The following SEZ6 variants were observed in gnomAD, a reference collection of about 807,000 sequenced individuals.
SEZ6 encodes the protein seizure related 6 homolog.
A neutral mutation model predicts 101.0 loss-of-function variants in SEZ6; 53 were observed. That is an observed-to-expected ratio of 0.52 (90% CI 0.42 to 0.66). The LOEUF is 0.66. Ranked by LOEUF, SEZ6 falls within the 30% of genes least tolerant of loss-of-function variation. The pLI, the probability that SEZ6 is intolerant of heterozygous loss-of-function variation, is 0.00. For missense variants in SEZ6, 1,102 were observed against 1,289.4 expected (o/e 0.85, Z 2.23); for synonymous variants, 488 against 512.2 (o/e 0.95, Z 0.64).
chr17:28,982,091 A>T (rs557766822), intron 1 of SEZ6, 52 bp from the exon 2 acceptor site: 1 of 1,511,726 alleles, frequency 6.6e-7, no homozygotes, highest in South Asian at 1.3e-5. Context: ...AGAGAGCAGC[A>T]TCACGCCCAA....
At chr17:28,977,715 GGCA>G (rs1436693971) in intron 3 of SEZ6, among the ~76,000 whole-genome samples, 2 of 152,036 alleles carry the variant, frequency 1.3e-5, no homozygotes, top group African/African-American at 2.4e-5. Context: ...GCTTGGGGGG[GGCA>G]GACAGAGCCT....
intron 3 of SEZ6, 90 bp from the exon 4 acceptor site, chr17:28,970,042 G>T: frequency 3.2e-6 from 4 of 1,243,254 alleles, no homozygotes; most frequent in Non-Finnish European, 4.3e-6. Flanking sequence ...GCAGGCCCCG[G>T]GCAGATCAAT....
chr17:28,981,246 C>A, intron 2 of SEZ6, 125 bp downstream of exon 2: 1 of 1,434,502 alleles, frequency 7.0e-7, no homozygotes. Flanking sequence ...CTACATGCCT[C>A]CTGCAGGCTG....
intron 1 of SEZ6, among the ~76,000 whole-genome samples, chr17:28,991,746 A>G (rs1484885901): frequency 1.1e-4 from 17 of 152,132 alleles, no homozygotes; most frequent in Admixed American, 1.1e-3. Context: ...AGTTTTTCAG[A>G]AAGGCCTCGG....
chr17:28,999,130 G>A (rs902655723), intron 1 of SEZ6, among the ~76,000 whole-genome samples: 1 of 152,152 alleles, frequency 6.6e-6, no homozygotes, highest in Non-Finnish European at 1.5e-5. Flanking sequence ...GGATGGACAG[G>A]CTAAGTTCTA....
At chr17:28,996,339 G>A (rs957509164) in intron 1 of SEZ6, among the ~76,000 whole-genome samples, 2 of 152,110 alleles carry the variant, frequency 1.3e-5, no homozygotes, top group African/African-American at 4.8e-5. Context: ...CCCAGGGTGT[G>A]GGCCCTGAGC....
chr17:28,981,157 A>G (rs1325008702), intron 2 of SEZ6, among the ~76,000 whole-genome samples: 1 of 152,132 alleles, frequency 6.6e-6, no homozygotes, highest in African/African-American at 2.4e-5. Flanking sequence ...CTGCCTCCCA[A>G]AGTGCTGGGA....
rs184780793 is a variant in SEZ6, at chr17:28,981,340, T to C, written c.724+31A>G. 3 of 1,521,718 alleles carry C rather than the reference T, an allele frequency of 2.0e-6. No individual in the cohort carries two copies. The African/African-American group carries it at 4.1e-5, about 21-fold the overall frequency. 94.3% of individuals were successfully genotyped at this position (1,521,718 alleles called of 1,614,324 possible). On this transcript the variant is annotated intron_variant, in intron 2 of 16. Coordinates refer to ENST00000317338, the MANE Select transcript of SEZ6 (RefSeq NM_178860.5). Reference sequence around the variant, plus strand: ...GCCCCGCAGCCTCCCCCATCCCCATTTCCACATCTGCAAGCCAGCAGGTAG... The same window carrying C: ...GCCCCGCAGCCTCCCCCATCCCCATCTCCACATCTGCAAGCCAGCAGGTAG...
chr17:28,996,362 C>T (rs1336695435), intron 1 of SEZ6, among the ~76,000 whole-genome samples: 1 of 152,136 alleles, frequency 6.6e-6, no homozygotes. Context: ...GTGGGCTATC[C>T]CAGGCACCTT....
rs1326394566 is a variant in SEZ6, at chr17:28,957,889, A to G, written c.2302+58T>C. On this transcript the variant is annotated intron_variant, in intron 11 of 16. Transcript: ENST00000317338. ...ACAGCTACAGTCTGGTTCAGAATCC[A>G]GGAGAGAGGTTTGGAGTTTGTGTTG... is the stretch of plus-strand genomic sequence containing the variant. 3 of 1,562,694 alleles carry G rather than the reference A, an allele frequency of 1.9e-6. No individual in the cohort carries two copies. The East Asian group carries it at 6.9e-5, about 36-fold the overall frequency.
chr17:29,005,786 T>A lies in SEZ6; in HGVS notation c.55+29A>T. 1 of 1,478,062 alleles carries A rather than the reference T, an allele frequency of 6.8e-7. No homozygotes were observed. The highest frequency in any genetic ancestry group is 9.0e-7 in the Non-Finnish European group (1 of 1,114,204). The allele number at this position is 1,478,062 out of a possible 1,614,324, so 91.6% of individuals were successfully genotyped here. A position where few individuals can be genotyped will look rare whatever the true frequency, so the allele number is the denominator to read the frequency against. ...CCCTGGGGCCCCGCTCCCGCCCCCG[T>A]CCTGCCGCCGGATGCCGGGGTCCCT... is the stretch of plus-strand genomic sequence containing the variant. On this transcript the variant is annotated intron_variant, in intron 1 of 16. Transcript: ENST00000317338. This position sits in a 1 kb window ranked among gnomAD's most constrained non-coding sequence, Gnocchi z 4.8.
chr17:28,990,861 G>A (rs1169293795), intron 1 of SEZ6, among the ~76,000 whole-genome samples: 1 of 152,068 alleles, frequency 6.6e-6, no homozygotes, highest in Admixed American at 6.5e-5. Context: ...ATTCAGGGAG[G>A]CTGATTTGAG....
intron 7 of SEZ6, chr17:28,960,273 C>T: frequency 3.2e-6 from 2 of 622,214 alleles, no homozygotes; most frequent in Non-Finnish European, 5.6e-6. Context: ...GAATTTATTC[C>T]CTTGGACCAT....
chr17:28,956,950 G>A, intron 13 of SEZ6, 95 bp downstream of exon 13: 1 of 1,394,952 alleles, frequency 7.2e-7, no homozygotes. Flanking sequence ...CATGAAGGTG[G>A]CATGGGCAGG....
At chr17:28,995,486 T>A (rs866619818) in intron 1 of SEZ6, among the ~76,000 whole-genome samples, 1 of 152,086 alleles carries the variant, frequency 6.6e-6, no homozygotes, top group Non-Finnish European at 1.5e-5. Flanking sequence ...ATCTGATTAA[T>A]CGTCTCCATC....
Position 28,960,893 on chromosome 17 carries a change from G to C in SEZ6, c.1321C>G (p.Leu441Val). 1 of 1,613,994 alleles carries C rather than the reference G, an allele frequency of 6.2e-7. No homozygotes were observed. Among genetic ancestry groups the C allele is most frequent in the Non-Finnish European group, 8.5e-7 (1 of 1,179,868 alleles). Residue 441 changes from leucine (L) to valine (V), a missense_variant, in exon 6 of 17, where the codon CTC becomes GTC. Leu to Val is a conservative substitution (Grantham distance 32). Coordinates refer to ENST00000317338, the MANE Select transcript of SEZ6 (RefSeq NM_178860.5). The part of the protein sequence containing the change: ...PGFPGNYSNN[L>V]TCHWLLEAPE... ...GCCTCAAGCAGCCAGTGACAGGTGA[G>C]GTTGTTGCTGTAGTTGCCCGGGAAG...
At chr17:28,963,102 T>G (rs1598182749) in intron 5 of SEZ6, among the ~76,000 whole-genome samples, 1 of 140,934 alleles carries the variant, frequency 7.1e-6, no homozygotes, top group Admixed American at 7.4e-5. Context: ...CTGGCCTGGG[T>G]GAAAGAGCGA....
intron 4 of SEZ6, among the ~76,000 whole-genome samples, chr17:28,967,217 T>C (rs2041084221): frequency 6.6e-6 from 1 of 152,246 alleles, no homozygotes; most frequent in Non-Finnish European, 1.5e-5. Flanking sequence ...CTACATGTAC[T>C]TTCCAGATTC....
rs920958116 is a variant in SEZ6, at chr17:28,981,900, C to T, written c.195G>A (p.Lys65=). ...CAAGCAGCGGGTGGTGGTTGAGCAG[C>T]TTCAAGGTGGGGGCTGTTGTGACAA... The part of the protein sequence containing the change: ...VHFVTTAPTL[K]LLNHHPLLEE... The change falls in exon 2 of 17, where the codon AAG becomes AAA. Residue 65 remains lysine, a synonymous_variant. Coordinates refer to ENST00000317338, the MANE Select transcript of SEZ6 (RefSeq NM_178860.5). The T allele has an allele frequency of 1.2e-6, 2 of 1,613,828 alleles. No homozygotes were observed. The highest frequency in any genetic ancestry group is 1.7e-6 in the Non-Finnish European group (2 of 1,179,894).
Sources: allele counts gnomAD v4.1 joint callset (sites outside exome capture counted in the v4.1 genomes callset), GRCh38; gene constraint gnomAD v4.1.1; non-coding constraint Gnocchi (gnomAD v3.1); transcripts MANE v1.5; gene names NCBI Gene and HGNC (gene_info 2026-07-23, HGNC 2026-07-21).